The following WDR70 variants were observed in gnomAD, a reference collection of about 807,000 sequenced individuals.
The protein encoded by WDR70 is WD repeat-containing protein 70.
WDR70 carries 53 observed loss-of-function variants against 88.6 expected under a neutral mutation model. That is an observed-to-expected ratio of 0.60 (90% CI 0.48 to 0.75). WDR70 has a LOEUF of 0.75. Ranked by LOEUF, WDR70 falls within the 30% of genes least tolerant of loss-of-function variation. WDR70 has a pLI of 0.00. For synonymous variants in WDR70, 280 were observed against 270.0 expected (o/e 1.04, Z -0.36); for missense variants, 610 against 823.2 (o/e 0.74, Z 3.17).
intron 10 of WDR70, among the ~76,000 whole-genome samples, chr5:37,635,719 T>G (rs1744944241): frequency 6.6e-6 from 1 of 152,194 alleles, no homozygotes; most frequent in African/African-American, 2.4e-5. Context: ...TTACCCTGAT[T>G]GAGCTCACTC....
At chr5:37,389,536 G>C (rs1358102639) in intron 3 of WDR70, among the ~76,000 whole-genome samples, 1 of 151,650 alleles carries the variant, frequency 6.6e-6, no homozygotes, top group African/African-American at 2.4e-5. Context: ...TCAGCCTCCA[G>C]AGTAAGCTGG....
At chr5:37,614,437 A>C (rs1189072430) in intron 10 of WDR70, among the ~76,000 whole-genome samples, 1 of 152,198 alleles carries the variant, frequency 6.6e-6, no homozygotes, top group Non-Finnish European at 1.5e-5. Context: ...CCTTTGCCTC[A>C]TAAGGTAATA....
chr5:37,451,433 A>T (rs992800057), intron 7 of WDR70, among the ~76,000 whole-genome samples: 2 of 152,148 alleles, frequency 1.3e-5, no homozygotes, highest in African/African-American at 4.8e-5. Context: ...GGGTTACTGA[A>T]TACTTGAAAT....
chr5:37,730,150 A>G (rs1244401517), intron 17 of WDR70, among the ~76,000 whole-genome samples: 1 of 152,176 alleles, frequency 6.6e-6, no homozygotes, highest in African/African-American at 2.4e-5. Flanking sequence ...TACAAATACT[A>G]ACCACAACCA....
At chr5:37,611,091 C>G (rs370627862) in intron 10 of WDR70, among the ~76,000 whole-genome samples, 1 of 152,178 alleles carries the variant, frequency 6.6e-6, no homozygotes, top group African/African-American at 2.4e-5. Context: ...TTAGAAGTCA[C>G]TTCTCACCGT....
intron 3 of WDR70, 194 bp downstream of exon 3, chr5:37,381,879 C>A: frequency 2.5e-6 from 1 of 400,250 alleles, no homozygotes. Flanking sequence ...CATGGTGAAA[C>A]CCCATCTCAA....
At position 37,543,658 on chromosome 5, in the gene WDR70, G is replaced by A. The variant is rs576654924; in HGVS notation, c.917+27068G>A. Among the ~76,000 whole-genome samples, 364 of 152,084 alleles carry A rather than the reference G, an allele frequency of 2.4e-3. 1 individual carries two copies. The highest frequency in any genetic ancestry group is 7.8e-3 in the African/African-American group (323 of 41,504). On this transcript the variant is annotated intron_variant, in intron 9 of 17. Coordinates refer to ENST00000265107, the MANE Select transcript of WDR70 (RefSeq NM_018034.4). ...AATGTTTGGAGCATTTCTTAATATTGGCTTACTTGGACATCATCTCCCCAA... is the reference window on the plus strand; with the variant it reads ...AATGTTTGGAGCATTTCTTAATATTAGCTTACTTGGACATCATCTCCCCAA...
At chr5:37,632,566 A>G (rs1313949723) in intron 10 of WDR70, among the ~76,000 whole-genome samples, 1 of 152,178 alleles carries the variant, frequency 6.6e-6, no homozygotes, top group Non-Finnish European at 1.5e-5. Context: ...TTAACAAAAA[A>G]GTTTTAAAAG....
chr5:37,390,196 A>G (rs1748767584), intron 3 of WDR70, among the ~76,000 whole-genome samples: 1 of 151,668 alleles, frequency 6.6e-6, no homozygotes, highest in Admixed American at 6.6e-5. Flanking sequence ...TAATATTTTA[A>G]ATATTTTTTT....
At chr5:37,570,677 G>A (rs542216956) in intron 9 of WDR70, among the ~76,000 whole-genome samples, 1 of 152,292 alleles carries the variant, frequency 6.6e-6, no homozygotes, top group Admixed American at 6.5e-5. Context: ...TCTGAGAATA[G>A]TTATCAAGAT....
At chr5:37,506,226 G>A in intron 8 of WDR70, 1 of 970,762 alleles carries the variant, frequency 1.0e-6, no homozygotes, top group Non-Finnish European at 1.7e-6. Flanking sequence ...GGTTGGAGTT[G>A]CTATCAAAAA....
intron 10 of WDR70, among the ~76,000 whole-genome samples, chr5:37,618,173 T>C (rs530641864): frequency 1.3e-5 from 2 of 152,296 alleles, no homozygotes; most frequent in South Asian, 2.1e-4. Context: ...CAGTTTAAAA[T>C]ATATCCATAA....
Position 37,670,425 on chromosome 5 carries a change from G to A in WDR70, c.1093-27230G>A, listed in dbSNP as rs116067689. Reference sequence around the variant, plus strand: ...CATTTCTCATAAGCCAAAGCAAGTCGCGTGTCCATACCAAGATACAAAGTA... The same window carrying A: ...CATTTCTCATAAGCCAAAGCAAGTCACGTGTCCATACCAAGATACAAAGTA... On this transcript the variant is annotated intron_variant, in intron 10 of 17. Transcript: ENST00000265107. Among the ~76,000 whole-genome samples, 486 of 152,196 alleles carry A rather than the reference G, an allele frequency of 3.2e-3. 4 individuals carry two copies. Among genetic ancestry groups the A allele is most frequent in the African/African-American group, 0.011 (459 of 41,498 alleles).
At chr5:37,540,451 G>A (rs1741784588) in intron 9 of WDR70, among the ~76,000 whole-genome samples, 1 of 152,014 alleles carries the variant, frequency 6.6e-6, no homozygotes, top group African/African-American at 2.4e-5. Flanking sequence ...GCACAATCTC[G>A]GCTCACTGCA....
chr5:37,404,631 T>A (rs866473683), intron 5 of WDR70, among the ~76,000 whole-genome samples: 8 of 152,346 alleles, frequency 5.3e-5, no homozygotes, highest in Middle Eastern at 3.4e-3. Flanking sequence ...TATTAAATCA[T>A]AATCATATTC....
At chr5:37,654,479 T>C (rs1745495555) in intron 10 of WDR70, among the ~76,000 whole-genome samples, 1 of 152,154 alleles carries the variant, frequency 6.6e-6, no homozygotes. Context: ...CAGAGCTGAG[T>C]TGAAGTCCTG....
intron 7 of WDR70, among the ~76,000 whole-genome samples, chr5:37,459,287 A>C (rs1327749180): frequency 1.2e-4 from 14 of 119,058 alleles, no homozygotes; most frequent in African/African-American, 3.9e-4. Flanking sequence ...GTGGTGCTGA[A>C]AAAAATGTAT....
chr5:37,537,660 A>G lies in WDR70; in HGVS notation c.917+21070A>G, dbSNP rs1428587830. On this transcript the variant is annotated intron_variant, in intron 9 of 17. Transcript: ENST00000265107. ...TGGTTTTATTAAATGGCTTAATTTT[A>G]TTGTTGAGCAAACTCTGGATTAACA... 2.6e-5 allele frequency among the ~76,000 whole-genome samples: 4 copies of G among 152,128 alleles called. No individual in the cohort carries two copies. The South Asian group carries it at 8.3e-4, about 32-fold the overall frequency.
intron 9 of WDR70, among the ~76,000 whole-genome samples, chr5:37,522,331 C>T (rs965130093): frequency 6.6e-6 from 1 of 151,890 alleles, no homozygotes; most frequent in Non-Finnish European, 1.5e-5. Context: ...ATTAGCTGGG[C>T]ATGGTGGCAT....
Sources: allele counts gnomAD v4.1 joint callset (sites outside exome capture counted in the v4.1 genomes callset), GRCh38; gene constraint gnomAD v4.1.1; transcripts MANE v1.5; gene names NCBI Gene and HGNC (gene_info 2026-07-23, HGNC 2026-07-21).